Variants in DIPK2B observed in about 807,000 individuals in gnomAD.
DIPK2B encodes the protein divergent protein kinase domain 2B, also known as UPF0672 protein CXorf36.
DIPK2B carries 15 observed loss-of-function variants against 22.2 expected under a neutral mutation model. The ratio of observed to expected loss-of-function variants is 0.68; its 90% CI spans 0.45 to 1.04. DIPK2B has a LOEUF of 1.04. Ranked by LOEUF, DIPK2B falls within the 50% of genes least tolerant of loss-of-function variation. DIPK2B has a pLI of 0.00. For synonymous variants in DIPK2B, 163 were observed against 153.2 expected (o/e 1.06, Z -0.47); for missense variants, 345 against 348.3 (o/e 0.99, Z 0.08).
At chrX:45,195,763 T>G (rs1414797645) in intron 1 of DIPK2B, among the ~76,000 whole-genome samples, 1 of 112,196 alleles carries the variant, frequency 8.9e-6, no homozygotes, top group Non-Finnish European at 1.9e-5. Context: ...AAGTTTGCTT[T>G]GGTCTCACCA....
intron 4 of DIPK2B, 47 bp downstream of exon 4, chrX:45,153,863 C>A: frequency 2.6e-6 from 3 of 1,153,317 alleles, no homozygotes; most frequent in East Asian, 3.0e-5. Context: ...CTCCTGTCAC[C>A]CTGACTTTCC....
At chrX:45,186,959 A>G (rs1465463477) in intron 2 of DIPK2B, among the ~76,000 whole-genome samples, 1 of 112,948 alleles carries the variant, frequency 8.9e-6, no homozygotes, top group Non-Finnish European at 1.9e-5. Flanking sequence ...TATATAATGA[A>G]CATGCATTTT....
chrX:45,183,177 G>A (rs1009228063), intron 2 of DIPK2B: 14 of 111,820 alleles, frequency 1.3e-4, no homozygotes, highest in African/African-American at 4.2e-4. Context: ...AAGACAATAG[G>A]GCCATTAGAA....
rs2046961040 is a variant in DIPK2B at position 45,151,541 on chromosome X, C to T, written c.*111G>A. On this transcript the variant is annotated 3_prime_UTR_variant, in exon 5 of 5. Coordinates refer to ENST00000398000, the MANE Select transcript of DIPK2B (RefSeq NM_176819.4). ...TCTCAGTCCCTAAGAAATGAGTGTG[C>T]CTTTCTTCTCATCTTTAAAAAAGAG... 4 of 739,986 alleles carry T rather than the reference C, an allele frequency of 5.4e-6. No homozygotes were observed. Among genetic ancestry groups the T allele is most frequent in the African/African-American group, 2.1e-5 (1 of 46,663 alleles). 61.0% of individuals were successfully genotyped at this position (739,986 alleles called of 1,213,427 possible). A position where few individuals can be genotyped will look rare whatever the true frequency, so the allele number is the denominator to read the frequency against.
At chrX:45,158,639 T>C (rs1318889298) in intron 2 of DIPK2B, among the ~76,000 whole-genome samples, 5 of 107,960 alleles carry the variant, frequency 4.6e-5, no homozygotes, top group African/African-American at 1.3e-4. Flanking sequence ...AACCTCCTGA[T>C]AAAAAAAAAT....
Position 45,151,798 on chromosome X carries a change from G to A in DIPK2B, c.1156C>T (p.Leu386Phe). The A allele has an allele frequency of 8.2e-7, 1 of 1,212,206 alleles. No individual in the cohort carries two copies. The highest frequency in any genetic ancestry group is 1.1e-6 in the Non-Finnish European group (1 of 895,536). ...CGGATGCTGTCCCCACACTGAACAA[G>A]GATGGAGTCTATGTCGTCTTGCACT... ...SPVQDDIDSI[L>F]VQCGDSIRPD... Residue 386 changes from leucine to phenylalanine, a missense_variant, in exon 5 of 5, where the codon CTT becomes TTT. Leu to Phe is a conservative substitution (Grantham distance 22). Coordinates refer to ENST00000398000, the MANE Select transcript of DIPK2B (RefSeq NM_176819.4).
At chrX:45,168,898 A>T (rs952459534) in intron 2 of DIPK2B, among the ~76,000 whole-genome samples, 7 of 112,217 alleles carry the variant, frequency 6.2e-5, no homozygotes, top group African/African-American at 1.9e-4. Context: ...CAAGTAGTTA[A>T]CAACCATGTC....
intron 2 of DIPK2B, among the ~76,000 whole-genome samples, chrX:45,168,775 T>C: frequency 8.9e-6 from 1 of 112,120 alleles, no homozygotes; most frequent in African/African-American, 3.2e-5. Context: ...TCATTCTATC[T>C]TGTATTCCCA....
chrX:45,154,433 A>G (rs2046981958), intron 3 of DIPK2B, among the ~76,000 whole-genome samples: 1 of 111,129 alleles, frequency 9.0e-6, no homozygotes. Context: ...CCTCACTGCA[A>G]GTACAGAAAG....
rs565666904 is a variant in DIPK2B at position 45,154,028 on chromosome X, G to A, written c.843C>T (p.Asn281=). ...TGAAGTAGAAGAAATAGTTCAAATC[G>A]TTGCTCCTCAAAGACTCCAGGACAC... ...LLGVLESLRS[N]DLNYFFYFTH... The change falls in exon 4 of 5, where the codon AAC becomes AAT. Residue 281 remains asparagine, a synonymous_variant. Transcript: ENST00000398000. 7 of 1,209,021 alleles carry A rather than the reference G, an allele frequency of 5.8e-6. No homozygotes were observed. In the East Asian group the frequency reaches 8.9e-5, roughly 15 times the overall value.
rs909961120 is a variant in DIPK2B, at chrX:45,148,871, C to T, written c.*2781G>A. On this transcript the variant is annotated 3_prime_UTR_variant, in exon 5 of 5. Transcript: ENST00000398000. Reference sequence around the variant, plus strand: ...CAGCTCGCCGGTTTTCTCATTTGCTCCGTTCTGGGACTCGGACAAACGGGG... The same window carrying T: ...CAGCTCGCCGGTTTTCTCATTTGCTTCGTTCTGGGACTCGGACAAACGGGG... The T allele has an allele frequency of 8.9e-6, 1 of 112,002 alleles. No homozygotes were observed. The highest frequency in any genetic ancestry group is 1.9e-5 in the Non-Finnish European group (1 of 53,261). The allele number at this position is 112,002 out of a possible 1,213,427, so 9.2% of individuals were successfully genotyped here.
intron 2 of DIPK2B, chrX:45,163,284 A>G (rs926949527): frequency 4.4e-5 from 23 of 519,384 alleles, no homozygotes; most frequent in East Asian, 1.8e-4. Flanking sequence ...GGACTTGCCA[A>G]TCCCCACAAT....
At chrX:45,162,206 T>C (rs1179382398) in intron 2 of DIPK2B, 1 of 169,769 alleles carries the variant, frequency 5.9e-6, no homozygotes, top group African/African-American at 3.2e-5. Context: ...GGAACCTCTA[T>C]GCCCTATAGA....
At chrX:45,187,541 C>T (rs1417133140) in intron 2 of DIPK2B, among the ~76,000 whole-genome samples, 2 of 110,496 alleles carry the variant, frequency 1.8e-5, no homozygotes, top group Non-Finnish European at 3.8e-5. Context: ...ATTCTTGGTC[C>T]TGTCGTCTTC....
intron 2 of DIPK2B, among the ~76,000 whole-genome samples, chrX:45,175,988 C>T (rs1208917284): frequency 9.2e-6 from 1 of 108,286 alleles, no homozygotes; most frequent in Non-Finnish European, 1.9e-5. Flanking sequence ...TCTGAGGGTG[C>T]TGTAGGGGAG....
intron 2 of DIPK2B, among the ~76,000 whole-genome samples, chrX:45,169,302 G>A (rs1008708495): frequency 5.4e-5 from 6 of 111,564 alleles, no homozygotes; most frequent in Middle Eastern, 4.6e-3. Flanking sequence ...TGTCCCAAAC[G>A]CAACACCTTT....
intron 2 of DIPK2B, chrX:45,162,709 A>G (rs1181930725): frequency 1.3e-6 from 1 of 752,921 alleles, no homozygotes; most frequent in Non-Finnish European, 1.6e-6. Flanking sequence ...ACCACCTCCC[A>G]GTGAAAAATA....
At chrX:45,168,329 A>G (rs2047060456) in intron 2 of DIPK2B, among the ~76,000 whole-genome samples, 1 of 112,633 alleles carries the variant, frequency 8.9e-6, no homozygotes, top group Non-Finnish European at 1.9e-5. Flanking sequence ...AAGAGTGGGC[A>G]TAGAATTTGG....
At chrX:45,196,465 G>A (rs1262336695) in intron 1 of DIPK2B, among the ~76,000 whole-genome samples, 6 of 111,889 alleles carry the variant, frequency 5.4e-5, no homozygotes, top group Non-Finnish European at 7.5e-5. Context: ...ACAGACAAGA[G>A]ACAAGGGAGA....
Sources: allele counts gnomAD v4.1 joint callset (sites outside exome capture counted in the v4.1 genomes callset), GRCh38; gene constraint gnomAD v4.1.1; transcripts MANE v1.5; gene names NCBI Gene and HGNC (gene_info 2026-07-23, HGNC 2026-07-21).